Variants in DNAH12 observed in about 807,000 individuals in gnomAD.
DNAH12 encodes the protein axonemal beta dynein heavy chain 12.
In DNAH12, 285 loss-of-function variants were observed where a neutral mutation model predicts 371.5. The ratio of observed to expected loss-of-function variants is 0.77; its 90% CI spans 0.70 to 0.85. The LOEUF (loss-of-function observed/expected upper bound fraction) is 0.85. DNAH12 is among the 40% of genes least tolerant of loss of function. The probability of loss-of-function intolerance (pLI) is 0.00; values close to 1 mark genes in which losing one functional copy is unlikely to be tolerated. For missense variants in DNAH12, 3,611 were observed against 3,689.4 expected, an observed-to-expected ratio of 0.98 and a Z score of 0.55; for synonymous variants, 1,200 against 1,213.0, an observed-to-expected ratio of 0.99 and a Z score of 0.22.
chr3:57,490,787 G>C (rs2067089685), intron 11 of DNAH12, among the ~76,000 whole-genome samples: 1 of 151,996 alleles, frequency 6.6e-6, no homozygotes, highest in Admixed American at 6.6e-5. Flanking sequence ...CCTTGTTCTT[G>C]GTTGGAAATA....
intron 58 of DNAH12, among the ~76,000 whole-genome samples, chr3:57,363,011 T>C (rs1404065668): frequency 6.6e-6 from 1 of 152,182 alleles, no homozygotes; most frequent in African/African-American, 2.4e-5. Flanking sequence ...GGTCTAACAT[T>C]TAAGTCTTTA....
At chr3:57,450,593 T>C (rs184717632) in intron 25 of DNAH12, among the ~76,000 whole-genome samples, 1 of 152,332 alleles carries the variant, frequency 6.6e-6, no homozygotes, top group Admixed American at 6.5e-5. Context: ...TCAAAGTTGT[T>C]AGCCCCCACC....
chr3:57,323,373 C>G (rs2061855330), intron 63 of DNAH12, 96 bp downstream of exon 63: 8 of 1,470,044 alleles, frequency 5.4e-6, no homozygotes, highest in Admixed American at 5.4e-5. Flanking sequence ...CTGTAAATAT[C>G]AGATTTACTA....
At chr3:57,481,870 G>A (rs1424009655) in intron 13 of DNAH12, among the ~76,000 whole-genome samples, 3 of 152,126 alleles carry the variant, frequency 2.0e-5, no homozygotes, top group Non-Finnish European at 4.4e-5. Flanking sequence ...CTAGCCATAT[G>A]TAGCAAGCTG....
intron 13 of DNAH12, among the ~76,000 whole-genome samples, chr3:57,474,296 A>G (rs972917464): frequency 2.0e-5 from 3 of 152,158 alleles, no homozygotes; most frequent in Non-Finnish European, 4.4e-5. Flanking sequence ...AAAATATTAA[A>G]GTTAAAAATT....
intron 43 of DNAH12, among the ~76,000 whole-genome samples, chr3:57,399,162 C>T (rs906208551): frequency 3.3e-5 from 5 of 151,162 alleles, no homozygotes; most frequent in Non-Finnish European, 7.4e-5. Flanking sequence ...ACAAAGAAAA[C>T]ATAGAATATA....
At chr3:57,383,939 C>T (rs950118429) in intron 49 of DNAH12, among the ~76,000 whole-genome samples, 8 of 152,046 alleles carry the variant, frequency 5.3e-5, no homozygotes, top group African/African-American at 1.7e-4. Flanking sequence ...AGAGTTCGAT[C>T]CTGTGAGATG....
chr3:57,524,154 T>C (rs2068551711), intron 2 of DNAH12, among the ~76,000 whole-genome samples: 2 of 152,202 alleles, frequency 1.3e-5, no homozygotes, highest in Non-Finnish European at 2.9e-5. Flanking sequence ...TCCCAATGAA[T>C]AGTGGGCACT....
At chr3:57,514,223 G>A (rs978566436) in intron 4 of DNAH12, among the ~76,000 whole-genome samples, 3 of 151,852 alleles carry the variant, frequency 2.0e-5, no homozygotes, top group Admixed American at 1.3e-4. Context: ...GTGAAACCCC[G>A]TCTCTACTAA....
intron 37 of DNAH12, among the ~76,000 whole-genome samples, chr3:57,417,521 G>A (rs1280735184): frequency 2.0e-5 from 3 of 152,266 alleles, no homozygotes; most frequent in Middle Eastern, 3.4e-3. Context: ...TGGGGTCCAT[G>A]AGCCAACTAA....
chr3:57,352,654 AT>A lies in DNAH12; in HGVS notation c.9534-430del, dbSNP rs782379271. ...CAAAGTGACTGAAGACAATCAGTTA[AT>A]TAAAAAAAAAAATGCCTATTAAATC... is the stretch of plus-strand genomic sequence containing the variant. On this transcript the variant is annotated intron_variant, in intron 59 of 73. Coordinates refer to ENST00000495027, the MANE Select transcript of DNAH12 (RefSeq NM_001366028.2). 3.4e-4 allele frequency among the ~76,000 whole-genome samples: 51 copies of A among 152,008 alleles called. 1 individual carries two copies. Among genetic ancestry groups the A allele is most frequent in the Admixed American group, 1.0e-3 (16 of 15,276 alleles).
chr3:57,361,346 T>C (rs1051414496), intron 58 of DNAH12, among the ~76,000 whole-genome samples: 1 of 150,372 alleles, frequency 6.7e-6, no homozygotes, highest in African/African-American at 2.5e-5. Flanking sequence ...TAAAACTCTG[T>C]CTCAAAAAAT....
At chr3:57,351,104 A>G (rs1162801940) in intron 60 of DNAH12, among the ~76,000 whole-genome samples, 1 of 152,024 alleles carries the variant, frequency 6.6e-6, no homozygotes, top group Non-Finnish European at 1.5e-5. Flanking sequence ...CCCTGTCTCT[A>G]CTAAAAATAC....
At chr3:57,295,446 CTT>C in intron 73 of DNAH12, 77 bp downstream of exon 73, 1 of 1,244,290 alleles carries the variant, frequency 8.0e-7, no homozygotes, top group South Asian at 1.6e-5. Context: ...TGAGCAAAAA[CTT>C]ATTTTGGGGA....
intron 38 of DNAH12, among the ~76,000 whole-genome samples, chr3:57,414,644 G>A (rs1304846378): frequency 3.9e-5 from 6 of 152,084 alleles, no homozygotes; most frequent in South Asian, 2.1e-4. Flanking sequence ...ATATTTAAAT[G>A]CATTAATCTT....
intron 45 of DNAH12, among the ~76,000 whole-genome samples, chr3:57,390,424 A>AAAAAAAAAAATATATATATATAT: frequency 3.0e-5 from 1 of 33,440 alleles, no homozygotes; most frequent in African/African-American, 6.3e-5. Flanking sequence ...AAAAAAAAAA[A>AAAAAAAAAAATATATATATATAT]ATATATATAT....
At chr3:57,330,007 A>T (rs1260127756) in intron 62 of DNAH12, among the ~76,000 whole-genome samples, 3 of 151,796 alleles carry the variant, frequency 2.0e-5, no homozygotes, top group South Asian at 4.1e-4. Context: ...TCAAAACCAC[A>T]ATGAGATATC....
At chr3:57,421,319 A>G (rs1306526570) in intron 36 of DNAH12, among the ~76,000 whole-genome samples, 199 bp downstream of exon 36, 2 of 152,202 alleles carry the variant, frequency 1.3e-5, no homozygotes, top group Non-Finnish European at 2.9e-5. Flanking sequence ...AATTTAATTT[A>G]AATGTGAAAT....
chr3:57,365,862 C>T (rs1016521503), intron 57 of DNAH12, among the ~76,000 whole-genome samples: 6 of 148,022 alleles, frequency 4.1e-5, no homozygotes, highest in African/African-American at 1.2e-4. Context: ...TGTGTGTACA[C>T]ATATATATAT....
Sources: allele counts gnomAD v4.1 joint callset (sites outside exome capture counted in the v4.1 genomes callset), GRCh38; gene constraint gnomAD v4.1.1; transcripts MANE v1.5; gene names NCBI Gene and HGNC (gene_info 2026-07-23, HGNC 2026-07-21).